BDP1: variants seen among roughly 807,000 people sequenced by gnomAD.
The protein encoded by BDP1 is BDP1 general transcription factor IIIB subunit, also known as transcription factor TFIIIB component B'' homolog.
BDP1 carries 169 observed loss-of-function variants against 266.6 expected under a neutral mutation model. The observed-to-expected ratio is 0.63, with a 90% CI of 0.56 to 0.72. The LOEUF is 0.72. BDP1 is among the 30% of genes least tolerant of loss of function. The probability of loss-of-function intolerance (pLI) is 0.00; values close to 1 mark genes in which losing one functional copy is unlikely to be tolerated. For missense variants in BDP1, 3,015 were observed against 3,053.8 expected (o/e 0.99, Z 0.30); for synonymous variants, 1,090 against 1,022.4 (o/e 1.07, Z -1.26).
chr5:71,504,144 A>G (rs1489672719), intron 15 of BDP1, among the ~76,000 whole-genome samples: 2 of 150,622 alleles, frequency 1.3e-5, no homozygotes, highest in Non-Finnish European at 3.0e-5. Context: ...GTGGTGGTGG[A>G]CGCCTGTAGT....
intron 20 of BDP1, among the ~76,000 whole-genome samples, chr5:71,515,542 G>A (rs1279452798): frequency 3.9e-5 from 6 of 152,108 alleles, no homozygotes; most frequent in Admixed American, 6.6e-5. Context: ...TCTGAAATCT[G>A]AAACATTTCT....
At chr5:71,475,365 C>T (rs1367341418) in intron 7 of BDP1, among the ~76,000 whole-genome samples, 1 of 152,226 alleles carries the variant, frequency 6.6e-6, no homozygotes, top group Non-Finnish European at 1.5e-5. Flanking sequence ...TTGCCTTGCC[C>T]TCCCAAAGTG....
chr5:71,489,051 T>TG (rs1450135363), intron 9 of BDP1, among the ~76,000 whole-genome samples: 1 of 152,214 alleles, frequency 6.6e-6, no homozygotes. Flanking sequence ...CAACTTATGA[T>TG]GGGTTTATTG....
intron 7 of BDP1, among the ~76,000 whole-genome samples, chr5:71,476,550 C>CTT (rs11439926): frequency 9.3e-5 from 14 of 149,772 alleles, no homozygotes; most frequent in South Asian, 2.1e-4. Flanking sequence ...TTTTTTTTCC[C>CTT]TTTTTTTTTA....
intron 30 of BDP1, among the ~76,000 whole-genome samples, chr5:71,542,750 C>T (rs190416581): frequency 6.6e-6 from 1 of 151,894 alleles, no homozygotes. Flanking sequence ...CAAAAACTTA[C>T]CTACTAATGG....
chr5:71,479,417 C>T (rs1470383135), intron 7 of BDP1, among the ~76,000 whole-genome samples: 4 of 152,086 alleles, frequency 2.6e-5, no homozygotes, highest in Admixed American at 1.3e-4. Context: ...TCCTCTGAAT[C>T]GTGAAACATC....
intron 19 of BDP1, 34 bp downstream of exon 19, chr5:71,513,441 T>G: frequency 8.1e-7 from 1 of 1,240,424 alleles, no homozygotes; most frequent in Non-Finnish European, 1.1e-6. Flanking sequence ...TCTGTGTGGG[T>G]GTTTTTTTTT....
chr5:71,547,188 A>G (rs954801027), intron 32 of BDP1, among the ~76,000 whole-genome samples: 16 of 151,856 alleles, frequency 1.1e-4, no homozygotes, highest in African/African-American at 1.9e-4. Context: ...TCAAGATCCA[A>G]TCAGGGCTCT....
In BDP1 at chr5:71,510,991, T is replaced by G; in HGVS notation, c.3899T>G (p.Val1300Gly). 1 of 1,614,074 alleles carries G rather than the reference T, an allele frequency of 6.2e-7. No individual in the cohort carries two copies. The highest frequency in any genetic ancestry group is 8.5e-7 in the Non-Finnish European group (1 of 1,180,014). Residue 1300 changes from valine (V) to glycine (G), a missense_variant, in exon 17 of 39, where the codon GTT becomes GGT. Transcript: ENST00000358731. Reference protein sequence around the residue: ...FRERGSEEICVTEEKVAELKQ... With the variant: ...FRERGSEEICGTEEKVAELKQ... ...GAGAGAGGATCTGAAGAGATCTGTG[T>G]TACTGAGGAAAAGGTGGCAGAATTG...
At chr5:71,561,729 AACAGCAGTATGG>A (rs1222413617) in intron 37 of BDP1, among the ~76,000 whole-genome samples, 1 of 152,224 alleles carries the variant, frequency 6.6e-6, no homozygotes, top group Non-Finnish European at 1.5e-5. Context: ...TAGTCCTGAC[AACAGCAGTATGG>A]ACATCATTTG....
intron 11 of BDP1, 23 bp from the exon 12 acceptor site, chr5:71,495,227 C>G (rs1462712580): frequency 6.9e-7 from 1 of 1,454,438 alleles, no homozygotes; most frequent in Non-Finnish European, 9.3e-7. Flanking sequence ...TCTTTTCTCT[C>G]TGAAATATTT....
At chr5:71,480,557 A>G (rs1184602111) in intron 7 of BDP1, among the ~76,000 whole-genome samples, 2 of 128,212 alleles carry the variant, frequency 1.6e-5, no homozygotes, top group Non-Finnish European at 3.3e-5. Context: ...GGCGTGAGCC[A>G]CTGTGCCCGG....
rs1258021310 is a variant in BDP1, at chr5:71,541,462, T to G, written c.6031T>G (p.Cys2011Gly). 5 of 1,376,908 alleles carry G rather than the reference T, an allele frequency of 3.6e-6. No homozygotes were observed. The highest frequency in any genetic ancestry group is 4.0e-6 in the Non-Finnish European group (4 of 997,580). 85.3% of individuals were successfully genotyped at this position (1,376,908 alleles called of 1,614,324 possible). A position where few individuals can be genotyped will look rare whatever the true frequency, so the allele number is the denominator to read the frequency against. ...TTTTTTTTTTTCTTCAGTAGGAGTA[T>G]GTATAATTCCTCATGTTCATTCAAA... ...ISSEQGDVGV[C>G]IIPHVHSKDK... is the part of the protein sequence containing the mutation. Residue 2011 changes from cysteine to glycine, a missense_variant, in exon 29 of 39, where the codon TGT becomes GGT. This residue lies in a region of BDP1 where 2,383 missense variants were observed against 2,404.9 expected (regional missense o/e 0.99). Coordinates refer to ENST00000358731, the MANE Select transcript of BDP1 (RefSeq NM_018429.3).
intron 8 of BDP1, among the ~76,000 whole-genome samples, chr5:71,486,217 C>T (rs1199130486): frequency 6.6e-6 from 1 of 152,116 alleles, no homozygotes; most frequent in Non-Finnish European, 1.5e-5. Context: ...TTGCAATAAA[C>T]AAATTATTAC....
rs758309762 is a variant in BDP1 at position 71,502,742 on chromosome 5, T to C, written c.2192T>C (p.Ile731Thr). Residue 731 changes from isoleucine (I) to threonine (T), a missense_variant, in exon 15 of 39, where the codon ATT (isoleucine) becomes ACT (threonine). Ile to Thr is a moderately conservative substitution (Grantham distance 89). This residue lies in a region of BDP1 where 2,383 missense variants were observed against 2,404.9 expected (regional missense o/e 0.99). Coordinates refer to ENST00000358731, the MANE Select transcript of BDP1 (RefSeq NM_018429.3). ...GAAATTCTCATATCACAGGAAGAAA[T>C]TGGGGCCAATGTAGAGAAGAATGAA... Reference protein sequence around the residue: ...RKEILISQEEIGANVEKNENE... With the variant: ...RKEILISQEETGANVEKNENE... The C allele has an allele frequency of 1.2e-6, 2 of 1,613,780 alleles. No individual in the cohort carries two copies. Among genetic ancestry groups the C allele is most frequent in the African/African-American group, 1.3e-5 (1 of 74,884 alleles).
Position 71,489,516 on chromosome 5 carries a change from T to C in BDP1, c.1326T>C (p.Ser442=), listed in dbSNP as rs1276360930. 1 of 1,613,996 alleles carries C rather than the reference T, an allele frequency of 6.2e-7. No individual in the cohort carries two copies. The highest frequency in any genetic ancestry group is 8.5e-7 in the Non-Finnish European group (1 of 1,180,016). Residue 442 remains serine (S), a synonymous_variant, in exon 10 of 39, where the codon TCT becomes TCC. Transcript: ENST00000358731. ...ATGCTCAGACAGTTGAAGAAGAGTC[T>C]CTGACCTTATCAAGGGAGGATGCAG... is the stretch of plus-strand genomic sequence containing the variant. ...QKDAQTVEEE[S]LTLSREDAEQ... is the part of the protein sequence containing the mutation.
At chr5:71,569,598 T>C (rs1044152392), downstream of BDP1, among the ~76,000 whole-genome samples, 5 of 151,902 alleles carry the variant, frequency 3.3e-5, no homozygotes, top group Non-Finnish European at 7.4e-5. Context: ...ATGCAAAAAT[T>C]AGCCAGGTGT....
At chr5:71,499,636 A>T (rs6872953) in intron 13 of BDP1, among the ~76,000 whole-genome samples, 2,629 of 151,708 alleles carry the variant, frequency 0.017, 74 homozygotes, top group African/African-American at 0.06. Flanking sequence ...ATAAAAAATT[A>T]AAAAAAAACC....
intron 25 of BDP1, among the ~76,000 whole-genome samples, chr5:71,531,844 G>C (rs932214824): frequency 1.3e-5 from 2 of 152,138 alleles, no homozygotes; most frequent in African/African-American, 4.8e-5. Context: ...ACTCATTATA[G>C]ATAGCATTTA....
Sources: allele counts gnomAD v4.1 joint callset (sites outside exome capture counted in the v4.1 genomes callset), GRCh38; gene constraint gnomAD v4.1.1; regional missense constraint gnomAD v4.1.1; transcripts MANE v1.5; gene names NCBI Gene and HGNC (gene_info 2026-07-23, HGNC 2026-07-21).